The following SLC39A11 variants were observed in gnomAD, a reference collection of about 807,000 sequenced individuals.
SLC39A11 encodes solute carrier family 39 member 11.
In SLC39A11, 33 loss-of-function variants were observed where a neutral mutation model predicts 36.1. The ratio of observed to expected loss-of-function variants is 0.91; its 90% CI spans 0.69 to 1.22. SLC39A11 has a LOEUF of 1.22. Among genes scored for constraint, SLC39A11 ranks in the 50% most tolerant of loss-of-function variants. SLC39A11 has a pLI of 0.00. For synonymous variants in SLC39A11, 166 were observed against 170.3 expected, an observed-to-expected ratio of 0.97 and a Z score of 0.20; for missense variants, 432 against 430.3, an observed-to-expected ratio of 1.00 and a Z score of -0.03.
At chr17:72,929,613 A>G (rs9902484) in intron 5 of SLC39A11, among the ~76,000 whole-genome samples, 15,618 of 152,092 alleles carry the variant, frequency 0.1, 1,366 homozygotes, top group African/African-American at 0.24. Context: ...AAATATTGAA[A>G]CTTCATATTT....
chr17:72,701,948 G>A (rs537792062), intron 7 of SLC39A11, among the ~76,000 whole-genome samples: 6 of 151,752 alleles, frequency 4.0e-5, no homozygotes, highest in Admixed American at 6.6e-5. Flanking sequence ...TCTATAGAAT[G>A]TTTAAAAATT....
chr17:72,732,432 C>T (rs2074271780), intron 7 of SLC39A11, among the ~76,000 whole-genome samples: 2 of 152,188 alleles, frequency 1.3e-5, no homozygotes, highest in Admixed American at 1.3e-4. Context: ...AGATCCCATC[C>T]AGAACAGCGC....
intron 5 of SLC39A11, among the ~76,000 whole-genome samples, chr17:72,898,237 C>T (rs552744866): frequency 1.7e-4 from 26 of 152,276 alleles, no homozygotes; most frequent in African/African-American, 5.5e-4. Context: ...GCTTGTTTTT[C>T]AACTGGCCGC....
chr17:72,931,919 C>T (rs2084421947), intron 5 of SLC39A11, among the ~76,000 whole-genome samples: 1 of 152,216 alleles, frequency 6.6e-6, no homozygotes, highest in Admixed American at 6.5e-5. Flanking sequence ...ATGCTCCTAC[C>T]ATATGCTGTG....
At chr17:72,680,214 G>A (rs2071453758) in intron 7 of SLC39A11, among the ~76,000 whole-genome samples, 1 of 151,950 alleles carries the variant, frequency 6.6e-6, no homozygotes, top group East Asian at 1.9e-4. Flanking sequence ...TCACCCAAAA[G>A]CAAATGCTAT....
chr17:72,699,057 C>T (rs999024477), intron 7 of SLC39A11, among the ~76,000 whole-genome samples: 25 of 152,116 alleles, frequency 1.6e-4, no homozygotes, highest in Admixed American at 3.3e-4. Context: ...TCTCGATCTC[C>T]TGACCTTGTG....
At chr17:72,684,887 A>G (rs1405699202) in intron 7 of SLC39A11, among the ~76,000 whole-genome samples, 1 of 152,166 alleles carries the variant, frequency 6.6e-6, no homozygotes, top group Admixed American at 6.5e-5. Context: ...TGGGCACACA[A>G]GTTTGTCTCA....
At chr17:72,983,280 G>T in intron 4 of SLC39A11, among the ~76,000 whole-genome samples, 1 of 152,114 alleles carries the variant, frequency 6.6e-6, no homozygotes, top group East Asian at 1.9e-4. Flanking sequence ...CTCCTGAGGA[G>T]CTGGGATTAC....
intron 4 of SLC39A11, among the ~76,000 whole-genome samples, chr17:72,966,436 ATAG>A (rs990196929): frequency 4.6e-5 from 7 of 152,196 alleles, no homozygotes; most frequent in Admixed American, 2.6e-4. Flanking sequence ...TCTGGAAGTG[ATAG>A]TAGTTTCAGA....
chr17:72,740,540 A>AT (rs1479613965), intron 6 of SLC39A11, among the ~76,000 whole-genome samples: 2 of 152,162 alleles, frequency 1.3e-5, no homozygotes, highest in Non-Finnish European at 2.9e-5. Context: ...AAGCAAGTTC[A>AT]TTTTTTCTTA....
At chr17:72,838,215 A>G in intron 6 of SLC39A11, 4 of 385,680 alleles carry the variant, frequency 1.0e-5, no homozygotes, top group Non-Finnish European at 1.8e-5. Context: ...TGTGAAATTT[A>G]TTTTTCTTTC....
At position 72,832,308 on chromosome 17, in the gene SLC39A11, G is replaced by A. The variant is rs546838477; in HGVS notation, c.601+17326C>T. On this transcript the variant is annotated intron_variant, in intron 6 of 9. Coordinates refer to ENST00000255559, the MANE Select transcript of SLC39A11 (RefSeq NM_139177.4). Reference sequence around the variant, plus strand: ...TAGGTGTTATTGGGAGCTTGGATTCGTCACGAGCCCCCTAGGGGCTTCACA... The same window carrying A: ...TAGGTGTTATTGGGAGCTTGGATTCATCACGAGCCCCCTAGGGGCTTCACA... Among the ~76,000 whole-genome samples, 11 of 152,304 alleles carry A rather than the reference G, an allele frequency of 7.2e-5. No homozygotes were observed. The East Asian group carries it at 1.2e-3, about 16-fold the overall frequency.
chr17:73,002,316 G>T (rs2089869372), intron 4 of SLC39A11, among the ~76,000 whole-genome samples: 1 of 152,132 alleles, frequency 6.6e-6, no homozygotes, highest in African/African-American at 2.4e-5. Context: ...AAAGGGGCAG[G>T]GGCTGAGTGA....
At chr17:72,714,033 T>A (rs1229956124) in intron 7 of SLC39A11, among the ~76,000 whole-genome samples, 1 of 152,196 alleles carries the variant, frequency 6.6e-6, no homozygotes, top group East Asian at 1.9e-4. Context: ...GATATTAGGT[T>A]TGCCGCAAAA....
intron 6 of SLC39A11, among the ~76,000 whole-genome samples, chr17:72,780,065 T>A (rs2076259715): frequency 6.6e-6 from 1 of 152,206 alleles, no homozygotes; most frequent in Admixed American, 6.5e-5. Flanking sequence ...CCTTGGTCAG[T>A]GTACTCAAGG....
chr17:72,851,129 C>T (rs1040818165), intron 5 of SLC39A11, among the ~76,000 whole-genome samples: 6 of 152,222 alleles, frequency 3.9e-5, no homozygotes, highest in South Asian at 2.1e-4. Context: ...CTGCAGCCCA[C>T]GTGCCACAGA....
At chr17:72,801,246 A>T (rs1013721188) in intron 6 of SLC39A11, among the ~76,000 whole-genome samples, 1 of 152,188 alleles carries the variant, frequency 6.6e-6, no homozygotes, top group Non-Finnish European at 1.5e-5. Flanking sequence ...TTTGAGACGG[A>T]GTCTCATTCT....
In SLC39A11 at chr17:72,734,394, C is replaced by T. The variant is rs764946979; in HGVS notation, c.671+2256G>A. Among the ~76,000 whole-genome samples the T allele has an allele frequency of 7.9e-5, 12 of 152,282 alleles. No individual in the cohort carries two copies. In the East Asian group the frequency reaches 2.3e-3, roughly 29 times the overall value. On this transcript the variant is annotated intron_variant, in intron 7 of 9. Transcript: ENST00000255559. ...TACTCTGTGGACATAGTGGCAATGGCAGCACAGCTCCATCATTCCTGCCCC... is the reference window on the plus strand; with the variant it reads ...TACTCTGTGGACATAGTGGCAATGGTAGCACAGCTCCATCATTCCTGCCCC...
intron 7 of SLC39A11, among the ~76,000 whole-genome samples, chr17:72,679,482 A>G (rs2071415654): frequency 6.6e-6 from 1 of 152,208 alleles, no homozygotes; most frequent in African/African-American, 2.4e-5. Context: ...AGAGAAAGGC[A>G]CTAACCCCCC....
Sources: allele counts gnomAD v4.1 joint callset (sites outside exome capture counted in the v4.1 genomes callset), GRCh38; gene constraint gnomAD v4.1.1; transcripts MANE v1.5; gene names NCBI Gene and HGNC (gene_info 2026-07-23, HGNC 2026-07-21).